Variants in SH3GLB1 observed in about 807,000 individuals in gnomAD.
SH3GLB1 encodes the protein SH3 domain containing GRB2 like, endophilin B1, also known as endophilin-B1.
A neutral mutation model predicts 42.0 loss-of-function variants in SH3GLB1; 17 were observed. The ratio of observed to expected loss-of-function variants is 0.40; its 90% CI spans 0.28 to 0.61. The LOEUF is 0.61. Among genes scored for constraint, SH3GLB1 ranks in the 20% least tolerant of loss-of-function variants. The pLI is 0.36. For missense variants in SH3GLB1, 355 were observed against 426.3 expected (o/e 0.83, Z 1.47); for synonymous variants, 132 against 146.6 (o/e 0.90, Z 0.72).
At chr1:86,731,489 T>C (rs1456069165) in intron 5 of SH3GLB1, among the ~76,000 whole-genome samples, 3 of 152,190 alleles carry the variant, frequency 2.0e-5, no homozygotes, top group African/African-American at 7.2e-5. Flanking sequence ...GGTTCCACAC[T>C]GGCTTCTGAT....
At chr1:86,722,010 CTTTT>C (rs377380040) in intron 3 of SH3GLB1, among the ~76,000 whole-genome samples, 1 of 111,638 alleles carries the variant, frequency 9.0e-6, no homozygotes, top group African/African-American at 3.7e-5. Flanking sequence ...AGGCAACCAT[CTTTT>C]TTTTTTTTTT....
intron 2 of SH3GLB1, among the ~76,000 whole-genome samples, chr1:86,718,879 T>A (rs1401505919): frequency 6.6e-6 from 1 of 152,234 alleles, no homozygotes. Flanking sequence ...AATGATGAAA[T>A]CTTTTGAGTG....
intron 5 of SH3GLB1, among the ~76,000 whole-genome samples, chr1:86,732,870 A>G (rs905292540): frequency 1.3e-5 from 2 of 152,074 alleles, no homozygotes; most frequent in African/African-American, 4.8e-5. Flanking sequence ...TTTTTCTGCC[A>G]TTTCTACTAA....
intron 7 of SH3GLB1, 99 bp downstream of exon 7, chr1:86,735,278 A>C (rs1655726182): frequency 2.8e-6 from 2 of 706,212 alleles, no homozygotes; most frequent in Non-Finnish European, 4.8e-6. Flanking sequence ...GGTTCTTACT[A>C]GCTTTCTTAG....
At chr1:86,736,494 G>A (rs1441348067) in intron 7 of SH3GLB1, among the ~76,000 whole-genome samples, 1 of 152,140 alleles carries the variant, frequency 6.6e-6, no homozygotes, top group Non-Finnish European at 1.5e-5. Flanking sequence ...TATTAGTGGT[G>A]TTAATATCTC....
At chr1:86,731,584 C>G (rs1434485946) in intron 5 of SH3GLB1, among the ~76,000 whole-genome samples, 2 of 152,176 alleles carry the variant, frequency 1.3e-5, no homozygotes, top group Non-Finnish European at 2.9e-5. Flanking sequence ...ATGTCTTCCT[C>G]TTTGGCATAA....
At chr1:86,724,266 G>A (rs750747372) in intron 4 of SH3GLB1, 47 bp from the exon 5 acceptor site, 2 of 1,351,000 alleles carry the variant, frequency 1.5e-6, no homozygotes, top group Admixed American at 4.7e-5. Flanking sequence ...GCTCTTAACA[G>A]AATTTTAGCA....
chr1:86,744,315 A>G lies in SH3GLB1; in HGVS notation c.*1080A>G, dbSNP rs1004418702. 6.6e-6 allele frequency: 1 copy of G among 152,214 alleles called. No homozygotes were observed. Among genetic ancestry groups the G allele is most frequent in the Non-Finnish European group, 1.5e-5 (1 of 68,036 alleles). The allele number at this position is 152,214 out of a possible 1,614,324, so 9.4% of individuals were successfully genotyped here. Reference sequence around the variant, plus strand: ...TTAAGACTTCTGTTCTAATTCATTCATTCAACAAACATTTGTTGAGGGCCA... The same window carrying G: ...TTAAGACTTCTGTTCTAATTCATTCGTTCAACAAACATTTGTTGAGGGCCA... On this transcript the variant is annotated 3_prime_UTR_variant, in exon 9 of 9. Transcript: ENST00000370558.
intron 5 of SH3GLB1, 125 bp from the exon 6 acceptor site, chr1:86,734,477 A>T: frequency 1.5e-6 from 1 of 668,654 alleles, no homozygotes; most frequent in Non-Finnish European, 2.6e-6. Context: ...ACAAAGCAGA[A>T]TTGCGGAATT....
At chr1:86,715,586 G>A (rs1654474099) in intron 1 of SH3GLB1, 138 bp from the exon 2 acceptor site, 3 of 864,948 alleles carry the variant, frequency 3.5e-6, no homozygotes, top group South Asian at 2.0e-5. Flanking sequence ...GTATTCATAA[G>A]CAATGGCTTA....
At chr1:86,721,509 G>C (rs543815330) in intron 3 of SH3GLB1, among the ~76,000 whole-genome samples, 1 of 152,276 alleles carries the variant, frequency 6.6e-6, no homozygotes, top group South Asian at 2.1e-4. Context: ...AAGATCCTTA[G>C]AGCTAAAGCT....
At chr1:86,705,423 TCCTTCAAC>T (rs894823560) in intron 1 of SH3GLB1, among the ~76,000 whole-genome samples, 14 of 152,256 alleles carry the variant, frequency 9.2e-5, no homozygotes, top group African/African-American at 3.1e-4. Flanking sequence ...CCTTTTCCTG[TCCTTCAAC>T]CCAGAGAGCT....
chr1:86,704,911 G>A lies in SH3GLB1; in HGVS notation c.12G>A (p.Met4Ile). MNI[M>I]DFNVKKLAAD... ...GGCTGCCGCCTAGGATGAATATCAT[G>A]GACTTCAACGTGAAGAAGCTGGCGG... is the stretch of plus-strand genomic sequence containing the variant. Residue 4 changes from methionine (M) to isoleucine (I), a missense_variant, in exon 1 of 9, where the codon ATG becomes ATA. Transcript: ENST00000370558. 1 of 1,584,326 alleles carries A rather than the reference G, an allele frequency of 6.3e-7. No homozygotes were observed.
At chr1:86,710,741 T>C (rs1019322317) in intron 1 of SH3GLB1, among the ~76,000 whole-genome samples, 16 of 152,282 alleles carry the variant, frequency 1.1e-4, no homozygotes, top group Admixed American at 9.8e-4. Context: ...CTCAACACAG[T>C]TAATATATTT....
intron 1 of SH3GLB1, among the ~76,000 whole-genome samples, chr1:86,709,925 C>G (rs1464579862): frequency 6.6e-6 from 1 of 152,196 alleles, no homozygotes; most frequent in Non-Finnish European, 1.5e-5. Context: ...CAGACCCTCC[C>G]TGGAGTTTCA....
intron 7 of SH3GLB1, among the ~76,000 whole-genome samples, chr1:86,736,457 A>G (rs17357588): frequency 0.029 from 4,386 of 152,296 alleles, 87 homozygotes; most frequent in Non-Finnish European, 0.042. Context: ...ATACAGGAGC[A>G]TTTACATAAC....
intron 5 of SH3GLB1, among the ~76,000 whole-genome samples, chr1:86,733,676 T>G (rs1311873795): frequency 6.6e-6 from 1 of 152,214 alleles, no homozygotes. Flanking sequence ...TTTGCCACTA[T>G]TTGCTATTTT....
intron 8 of SH3GLB1, 118 bp from the exon 9 acceptor site, chr1:86,743,007 GATA>G (rs1656131970): frequency 1.3e-6 from 1 of 758,502 alleles, no homozygotes; most frequent in Non-Finnish European, 2.1e-6. Context: ...CAGCACAATT[GATA>G]ATAACGTTTA....
chr1:86,715,503 G>C (rs1654468501), intron 1 of SH3GLB1, among the ~76,000 whole-genome samples: 2 of 152,146 alleles, frequency 1.3e-5, no homozygotes, highest in South Asian at 4.1e-4. Flanking sequence ...GCAGAACTAA[G>C]GGTATGTGAT....
Sources: allele counts gnomAD v4.1 joint callset (sites outside exome capture counted in the v4.1 genomes callset), GRCh38; gene constraint gnomAD v4.1.1; transcripts MANE v1.5; gene names NCBI Gene and HGNC (gene_info 2026-07-23, HGNC 2026-07-21).